Variants in GSTZ1 observed in about 807,000 individuals in gnomAD.
GSTZ1 encodes maleylacetoacetate isomerase.
A neutral mutation model predicts 35.9 loss-of-function variants in GSTZ1; 34 were observed. The ratio of observed to expected loss-of-function variants is 0.95; its 90% confidence interval spans 0.72 to 1.26. GSTZ1 has a LOEUF of 1.26. Ranked by LOEUF, GSTZ1 falls within the 50% of genes most tolerant of loss-of-function variation. GSTZ1 has a pLI of 0.00. For synonymous variants in GSTZ1, 93 were observed against 101.2 expected (o/e 0.92, Z 0.49); for missense variants, 263 against 271.7 (o/e 0.97, Z 0.23).
In GSTZ1 at chr14:77,324,919, T is replaced by C. The variant is rs752025507; in HGVS notation, c.65T>C (p.Ile22Thr). Residue 22 changes from isoleucine to threonine, a missense_variant and splice_region_variant, in exon 2 of 9, where the codon ATT becomes ACT. Physicochemically the swap from Ile to Thr is moderately conservative, Grantham distance 89. Coordinates refer to ENST00000216465, the MANE Select transcript of GSTZ1 (RefSeq NM_145870.3). ...FRSSCSWRVR[I>T]ALALKGIDYE... is the part of the protein sequence containing the mutation. ...AGCTCCTGCTCATGGAGAGTTCGAA[T>C]TGGTAAGAGATGTGCCTCCTCCAGG... The C allele has an allele frequency of 3.1e-6, 5 of 1,612,902 alleles. No homozygotes were observed. In the South Asian group the frequency reaches 5.5e-5, roughly 18 times the overall value.
At chr14:77,327,229 A>G in intron 3 of GSTZ1, 1 of 596,210 alleles carries the variant, frequency 1.7e-6, no homozygotes, top group East Asian at 2.8e-5. Context: ...CTTGGTGGCC[A>G]CGGTGTGAGA....
At chr14:77,330,741 C>G (rs1892581706) in intron 8 of GSTZ1, among the ~76,000 whole-genome samples, 1 of 152,142 alleles carries the variant, frequency 6.6e-6, no homozygotes, top group Admixed American at 6.5e-5. Context: ...AGGCATCATG[C>G]TAGGCGTTAG....
At chr14:77,324,497 CA>C (rs1255544251) in intron 1 of GSTZ1, 9 of 981,340 alleles carry the variant, frequency 9.2e-6, no homozygotes, top group Non-Finnish European at 1.4e-5. Context: ...CTGGGTAGCC[CA>C]GCTTCCCCAT....
rs550224743 is a variant in GSTZ1, at chr14:77,324,503, C to G, written c.16-367C>G. Reference sequence around the variant, plus strand: ...CCCCAATGCCTGGGTAGCCCAGCTTCCCCATTGGCTCCTGAAATCCACCCC... The same window carrying G: ...CCCCAATGCCTGGGTAGCCCAGCTTGCCCATTGGCTCCTGAAATCCACCCC... On this transcript the variant is annotated intron_variant, in intron 1 of 8. Transcript: ENST00000216465. 9.6e-6 allele frequency: 10 copies of G among 1,038,234 alleles called. No individual in the cohort carries two copies. The South Asian group carries it at 1.1e-4, about 11-fold the overall frequency. 64.3% of individuals were successfully genotyped at this position (1,038,234 alleles called of 1,614,324 possible).
At chr14:77,329,723 C>T in intron 6 of GSTZ1, 32 bp from the exon 7 acceptor site, 1 of 1,588,136 alleles carries the variant, frequency 6.3e-7, no homozygotes, top group South Asian at 1.1e-5. Flanking sequence ...TCCCTGCGCC[C>T]AGAATAAGAT....
chr14:77,326,753 C>A, intron 2 of GSTZ1, 85 bp from the exon 3 acceptor site: 1 of 993,422 alleles, frequency 1.0e-6, no homozygotes, highest in Non-Finnish European at 1.6e-6. Context: ...CCTCTTTGGC[C>A]TTAATGTCAC....
intron 1 of GSTZ1, chr14:77,324,152 CTTTTT>C (rs11287763): frequency 1.1e-4 from 13 of 117,962 alleles, no homozygotes; most frequent in South Asian, 2.3e-4. Flanking sequence ...AAAAAAATGC[CTTTTT>C]TTTTTTTTTT....
At chr14:77,330,478 G>A in intron 8 of GSTZ1, 119 bp downstream of exon 8, 1 of 834,236 alleles carries the variant, frequency 1.2e-6, no homozygotes, top group South Asian at 1.4e-5. Flanking sequence ...AGCCCACCAT[G>A]CCAGGCCACA....
rs1287766562 is a variant in GSTZ1 at position 77,324,890 on chromosome 14, C to T, written c.36C>T (p.Phe12=). The T allele has an allele frequency of 6.2e-7, 1 of 1,614,128 alleles. No individual in the cohort carries two copies. Among genetic ancestry groups the T allele is most frequent in the South Asian group, 1.1e-5 (1 of 91,084 alleles). The change falls in exon 2 of 9, where the codon TTC becomes TTT. Residue 12 remains phenylalanine (F), a synonymous_variant. Coordinates refer to ENST00000216465, the MANE Select transcript of GSTZ1 (RefSeq NM_145870.3). The part of the protein sequence containing the change: ...QAGKPILYSY[F]RSSCSWRVRI... The stretch of plus-strand genomic sequence containing the variant: ...CTCAGCCCATCCTCTATTCCTATTT[C>T]CGAAGCTCCTGCTCATGGAGAGTTC...
At position 77,321,069 on chromosome 14, in the gene GSTZ1, A is replaced by G; in HGVS notation, c.-100A>G. The G allele has an allele frequency of 1.6e-6, 2 of 1,251,598 alleles. No homozygotes were observed. Among genetic ancestry groups the G allele is most frequent in the Non-Finnish European group, 2.2e-6 (2 of 925,794 alleles). 77.5% of individuals were successfully genotyped at this position (1,251,598 alleles called of 1,614,324 possible). Reference sequence around the variant, plus strand: ...GCCCCTCGCTTTACCCGGACGAAAGACACGGGCCTGATTCGTCGAGTCTCA... The same window carrying G: ...GCCCCTCGCTTTACCCGGACGAAAGGCACGGGCCTGATTCGTCGAGTCTCA... On this transcript the variant is annotated 5_prime_UTR_variant, in exon 1 of 9. Coordinates refer to ENST00000216465, the MANE Select transcript of GSTZ1 (RefSeq NM_145870.3).
chr14:77,331,345 G>A lies in GSTZ1; in HGVS notation c.*150G>A. 1.1e-6 allele frequency: 1 copy of A among 879,494 alleles called. No individual in the cohort carries two copies. The highest frequency in any genetic ancestry group is 1.7e-5 in the African/African-American group (1 of 59,524). The allele number at this position is 879,494 out of a possible 1,614,324, so 54.5% of individuals were successfully genotyped here. A position where few individuals can be genotyped will look rare whatever the true frequency, so the allele number is the denominator to read the frequency against. On this transcript the variant is annotated 3_prime_UTR_variant, in exon 9 of 9. Transcript: ENST00000216465. ...TCCTGCTGAAACTTGTTCCACCTCA[G>A]TCCCCTCATCTGTCACACGCATGTG...
rs1490402596 is a variant in GSTZ1, at chr14:77,324,878, CTA to C, written c.26_27del (p.Tyr9PhefsTer39). On this transcript the variant is annotated frameshift_variant, in exon 2 of 9. Coordinates refer to ENST00000216465, the MANE Select transcript of GSTZ1 (RefSeq NM_145870.3). LOFTEE classifies it high-confidence loss of function. MQAGKPIL[Y>X]SYFRSSCSWR... ...ATCCTCTCTCTCCTCAGCCCATCCT[CTA>C]TTCCTATTTCCGAAGCTCCTGCTCA... is the stretch of plus-strand genomic sequence containing the variant. The C allele has an allele frequency of 1.2e-6, 2 of 1,614,014 alleles. No homozygotes were observed. The highest frequency in any genetic ancestry group is 1.7e-6 in the Non-Finnish European group (2 of 1,179,928).
In GSTZ1 at chr14:77,321,046, C is replaced by T; in HGVS notation, c.-123C>T. 1.8e-6 allele frequency: 2 copies of T among 1,082,732 alleles called. No homozygotes were observed. Among genetic ancestry groups the T allele is most frequent in the South Asian group, 1.7e-5 (1 of 58,220 alleles). The allele number at this position is 1,082,732 out of a possible 1,614,324, so 67.1% of individuals were successfully genotyped here. A position where few individuals can be genotyped will look rare whatever the true frequency, so the allele number is the denominator to read the frequency against. On this transcript the variant is annotated 5_prime_UTR_variant, in exon 1 of 9. Transcript: ENST00000216465. ...ACCGGAAGGATCTTTCTAGTCCAGC[C>T]CCTCGCTTTACCCGGACGAAAGACA...
chr14:77,321,333 G>A (rs1272885651), intron 1 of GSTZ1, 150 bp downstream of exon 1: 1 of 1,533,892 alleles, frequency 6.5e-7, no homozygotes, highest in Non-Finnish European at 8.8e-7. Flanking sequence ...GCGCCTGCGT[G>A]CTGCGCGCTG....
rs765834793 is a variant in GSTZ1, at chr14:77,331,370, G to A, written c.*175G>A. ...GTCCCCTCATCTGTCACACGCATGT[G>A]GGGTGGAGTAGGGAGATGCGGGGAG... On this transcript the variant is annotated 3_prime_UTR_variant, in exon 9 of 9. Coordinates refer to ENST00000216465, the MANE Select transcript of GSTZ1 (RefSeq NM_145870.3). The A allele has an allele frequency of 6.8e-5, 47 of 694,912 alleles. No individual in the cohort carries two copies. The highest frequency in any genetic ancestry group is 4.0e-4 in the Middle Eastern group (1 of 2,476). The allele number at this position is 694,912 out of a possible 1,614,324, so 43.0% of individuals were successfully genotyped here.
chr14:77,321,955 A>G (rs1892029915), intron 1 of GSTZ1, among the ~76,000 whole-genome samples: 2 of 151,124 alleles, frequency 1.3e-5, no homozygotes, highest in African/African-American at 2.4e-5. Flanking sequence ...CACGGCTTTC[A>G]CATGTTCTTC....
At chr14:77,327,286 C>T (rs1892368682) in intron 3 of GSTZ1, 186 bp from the exon 4 acceptor site, 2 of 615,790 alleles carry the variant, frequency 3.2e-6, no homozygotes, top group Non-Finnish European at 5.9e-6. Flanking sequence ...GCCTATGGCT[C>T]AGCAGCAGCT....
intron 5 of GSTZ1, 73 bp downstream of exon 5, chr14:77,328,110 C>T (rs8177563): frequency 0.02 from 30,649 of 1,516,078 alleles, 410 homozygotes; most frequent in Non-Finnish European, 0.025. Flanking sequence ...TGTGAGCTGC[C>T]CAGTGTGGGG....
intron 6 of GSTZ1, 62 bp from the exon 7 acceptor site, chr14:77,329,693 C>G (rs925151249): frequency 1.4e-5 from 19 of 1,314,420 alleles, no homozygotes; most frequent in Middle Eastern, 1.8e-4. Context: ...AGGCCAAGGC[C>G]CAGAAAGCTT....
Sources: gnomAD v4.1 joint callset for allele counts (sites outside exome capture counted in the v4.1 genomes callset) on GRCh38, gnomAD v4.1.1 for gene constraint, MANE v1.5 for transcripts, NCBI Gene and HGNC (gene_info 2026-07-23, HGNC 2026-07-21) for gene names.